The following NAV2 variants were observed in gnomAD, a reference collection of about 807,000 sequenced individuals.
NAV2 encodes the protein neuron navigator 2.
NAV2 carries 54 observed loss-of-function variants against 223.2 expected under a neutral mutation model. That is an observed-to-expected ratio of 0.24 (90% confidence interval 0.19 to 0.30). The LOEUF is 0.30. NAV2 is among the 10% of genes least tolerant of loss of function. NAV2 has a pLI of 1.00. For missense variants in NAV2, 2,806 were observed against 3,147.5 expected, an observed-to-expected ratio of 0.89 and a Z score of 2.60; for synonymous variants, 1,279 against 1,239.3, an observed-to-expected ratio of 1.03 and a Z score of -0.67.
intron 1 of NAV2, among the ~76,000 whole-genome samples, chr11:19,726,165 C>T (rs984555519): frequency 3.9e-5 from 6 of 152,244 alleles, no homozygotes; most frequent in African/African-American, 1.4e-4. Context: ...TTAAAAATAT[C>T]TCTTCCTTAA....
At chr11:19,995,844 T>C (rs554108627) in intron 11 of NAV2, among the ~76,000 whole-genome samples, 1 of 152,306 alleles carries the variant, frequency 6.6e-6, no homozygotes, top group South Asian at 2.1e-4. Context: ...TTTGGGTGCT[T>C]TGACTCAGGA....
At chr11:19,540,783 C>T (rs1197228994) in intron 1 of NAV2, among the ~76,000 whole-genome samples, 1 of 152,170 alleles carries the variant, frequency 6.6e-6, no homozygotes, top group East Asian at 1.9e-4. Context: ...GTAATTACAG[C>T]TCTTTGGGAG....
Position 19,674,231 on chromosome 11 carries a change from C to A in NAV2, c.76-158253C>A, listed in dbSNP as rs12287054. Among the ~76,000 whole-genome samples, 1,419 of 152,364 alleles carry A rather than the reference C, an allele frequency of 9.3e-3. 25 individuals are homozygous for A. The highest frequency in any genetic ancestry group is 0.033 in the African/African-American group (1,353 of 41,586). The stretch of plus-strand genomic sequence containing the variant: ...GCCGTCTCCCTGAGCTGCCTGGAAA[C>A]TTCCCGAGACTGGCCTGAGAATAAC... On this transcript the variant is annotated intron_variant, in intron 1 of 37. Transcript: ENST00000360655.
At chr11:19,376,653 A>T (rs760832679) in intron 1 of NAV2, among the ~76,000 whole-genome samples, 1 of 152,242 alleles carries the variant, frequency 6.6e-6, no homozygotes, top group Non-Finnish European at 1.5e-5. Flanking sequence ...GATCTACTAT[A>T]TACCAGATAC....
chr11:19,538,432 G>A (rs918809807), intron 1 of NAV2, among the ~76,000 whole-genome samples: 9 of 151,934 alleles, frequency 5.9e-5, no homozygotes, highest in African/African-American at 1.7e-4. Flanking sequence ...CCTGGACCTC[G>A]TAGGTTCACG....
At chr11:19,705,074 G>A (rs1480201477) in intron 1 of NAV2, among the ~76,000 whole-genome samples, 2 of 127,872 alleles carry the variant, frequency 1.6e-5, no homozygotes, top group East Asian at 2.2e-4. Flanking sequence ...GAATTAACTA[G>A]ACCTCAATTC....
intron 1 of NAV2, among the ~76,000 whole-genome samples, chr11:19,741,801 G>T (rs2152460569): frequency 6.6e-6 from 1 of 150,538 alleles, no homozygotes; most frequent in East Asian, 2.0e-4. Context: ...TGCAAATAAT[G>T]CTGCAACAAA....
intron 3 of NAV2, among the ~76,000 whole-genome samples, chr11:19,846,333 T>C (rs1016240144): frequency 1.3e-5 from 2 of 152,196 alleles, no homozygotes; most frequent in Non-Finnish European, 2.9e-5. Flanking sequence ...CTTGTCCTGT[T>C]GTACCTGGGG....
At chr11:19,428,183 T>TTTG (rs1052201176) in intron 1 of NAV2, among the ~76,000 whole-genome samples, 2 of 152,338 alleles carry the variant, frequency 1.3e-5, no homozygotes, top group East Asian at 1.9e-4. Flanking sequence ...CAGGGTTTTT[T>TTTG]TTGTTGCTGT....
chr11:19,809,756 G>C (rs1478414424), intron 1 of NAV2, among the ~76,000 whole-genome samples: 1 of 151,896 alleles, frequency 6.6e-6, no homozygotes. Context: ...AAAAGTTATA[G>C]TTAGATATTT....
At chr11:19,546,436 G>A (rs759960786) in intron 1 of NAV2, among the ~76,000 whole-genome samples, 16 of 152,226 alleles carry the variant, frequency 1.1e-4, no homozygotes, top group Non-Finnish European at 1.9e-4. Context: ...GCTGCGGGAA[G>A]GTAGGAAACA....
intron 1 of NAV2, among the ~76,000 whole-genome samples, chr11:19,628,926 G>A (rs1259638449): frequency 6.6e-6 from 1 of 152,068 alleles, no homozygotes; most frequent in Non-Finnish European, 1.5e-5. Flanking sequence ...CACCTGCCAG[G>A]TGCATTTGCC....
chr11:19,977,235 C>G (rs1471030921), intron 10 of NAV2, among the ~76,000 whole-genome samples: 1 of 152,324 alleles, frequency 6.6e-6, no homozygotes, highest in African/African-American at 2.4e-5. Context: ...ATTTCTTACC[C>G]CTCTTCCACC....
intron 10 of NAV2, among the ~76,000 whole-genome samples, chr11:19,950,524 G>A (rs2047302733): frequency 6.6e-6 from 1 of 152,196 alleles, no homozygotes; most frequent in South Asian, 2.1e-4. Context: ...ATTTCAAAAT[G>A]AATTTGATTT....
At chr11:19,404,028 G>T (rs1203858290) in intron 1 of NAV2, among the ~76,000 whole-genome samples, 1 of 152,142 alleles carries the variant, frequency 6.6e-6, no homozygotes, top group African/African-American at 2.4e-5. Flanking sequence ...TGAGTCTGAG[G>T]AGTGAGTGAG....
rs142938745 is a variant in NAV2, at chr11:19,863,789, G to A, written c.439-5136G>A. ...CTTTATTAAATGCTGGTTTCCCTGCGTTCGACTGTAGGTTCTACAAGGTTG... is the reference window on the plus strand; with the variant it reads ...CTTTATTAAATGCTGGTTTCCCTGCATTCGACTGTAGGTTCTACAAGGTTG... On this transcript the variant is annotated intron_variant, in intron 3 of 37. Coordinates refer to ENST00000349880, the MANE Select transcript of NAV2 (RefSeq NM_145117.5). Among the ~76,000 whole-genome samples, 339 of 152,208 alleles carry A rather than the reference G, an allele frequency of 2.2e-3. 5 individuals carry two copies. Among genetic ancestry groups the A allele is most frequent in the Admixed American group, 5.9e-3 (90 of 15,290 alleles).
At chr11:19,581,003 T>A (rs2045699873) in intron 1 of NAV2, among the ~76,000 whole-genome samples, 1 of 152,236 alleles carries the variant, frequency 6.6e-6, no homozygotes, top group Non-Finnish European at 1.5e-5. Flanking sequence ...TGGATGTGTA[T>A]TTCTCTGATT....
At chr11:19,749,768 G>T (rs1565251052) in intron 1 of NAV2, among the ~76,000 whole-genome samples, 1 of 152,206 alleles carries the variant, frequency 6.6e-6, no homozygotes, top group Non-Finnish European at 1.5e-5. Context: ...ATTCAGACTT[G>T]ATATTCATTT....
intron 1 of NAV2, among the ~76,000 whole-genome samples, chr11:19,628,832 T>C (rs1374987110): frequency 6.6e-6 from 1 of 152,172 alleles, no homozygotes; most frequent in Non-Finnish European, 1.5e-5. Flanking sequence ...GAATCATTGA[T>C]TACCATCATA....
Sources: allele counts gnomAD v4.1 joint callset (sites outside exome capture counted in the v4.1 genomes callset), GRCh38; gene constraint gnomAD v4.1.1; transcripts MANE v1.5; gene names NCBI Gene and HGNC (gene_info 2026-07-23, HGNC 2026-07-21).